The following MPPE1 variants were observed in gnomAD, a reference collection of about 807,000 sequenced individuals.
The protein encoded by MPPE1 is metallophosphoesterase 1.
Under a neutral mutation model 43.8 loss-of-function variants are expected in MPPE1, and 28 were observed. The observed-to-expected ratio is 0.64, with a 90% CI of 0.47 to 0.88. The LOEUF is 0.88. MPPE1 is among the 40% of genes least tolerant of loss of function. The pLI, the probability that MPPE1 is intolerant of heterozygous loss-of-function variation, is 0.00. For missense variants in MPPE1, 428 were observed against 492.2 expected, an observed-to-expected ratio of 0.87 and a Z score of 1.23; for synonymous variants, 159 against 188.5, an observed-to-expected ratio of 0.84 and a Z score of 1.28.
Position 11,886,943 on chromosome 18 carries a change from A to G in MPPE1, c.652T>C (p.Ser218Pro). The change falls in exon 7 of 11, where the codon TCT becomes CCT. Residue 218 changes from serine (S) to proline (P), a missense_variant. Around this residue, in one of 3 missense-constraint regions of MPPE1, gnomAD observed 379 missense variants for 402.5 expected, o/e 0.94. Transcript: ENST00000588072. This position sits in a 1 kb window ranked among gnomAD's most constrained non-coding sequence, Gnocchi z 4.1. ...SETEAELIEV[S>P]HRLNCSREAR... Reference sequence around the variant, plus strand: ...TCTCGGGAGCAGTTCAGTCTGTGAGAAACTTCAATGAGCTCTGCTTCTGTT... The same window carrying G: ...TCTCGGGAGCAGTTCAGTCTGTGAGGAACTTCAATGAGCTCTGCTTCTGTT... The G allele has an allele frequency of 3.7e-6, 6 of 1,613,574 alleles. No individual in the cohort carries two copies. The highest frequency in any genetic ancestry group is 5.1e-6 in the Non-Finnish European group (6 of 1,179,748).
In MPPE1 at chr18:11,886,457, TCA is replaced by T. The variant is rs1213685335; in HGVS notation, c.867+40_867+41del. On this transcript the variant is annotated intron_variant, in intron 9 of 10. Coordinates refer to ENST00000588072, the MANE Select transcript of MPPE1 (RefSeq NM_023075.6). This position sits in a 1 kb window ranked among gnomAD's most constrained non-coding sequence, Gnocchi z 4.1. ...TTGTTGACATGCAAGGTGATGAGAG[TCA>T]CACTGTGACATGAATTAGCATCACG... 6.2e-7 allele frequency: 1 copy of T among 1,613,428 alleles called. No homozygotes were observed. Among genetic ancestry groups the T allele is most frequent in the Non-Finnish European group, 8.5e-7 (1 of 1,179,894 alleles).
At chr18:11,889,947 CT>C (rs35489693) in intron 4 of MPPE1, among the ~76,000 whole-genome samples, 105 of 145,038 alleles carry the variant, frequency 7.2e-4, no homozygotes, top group Admixed American at 7.6e-4. Context: ...TGATGTAGAA[CT>C]TTTTTTTTTT....
intron 6 of MPPE1, 23 bp downstream of exon 6, chr18:11,888,646 A>G: frequency 6.7e-7 from 1 of 1,502,690 alleles, no homozygotes; most frequent in Non-Finnish European, 9.1e-7. Context: ...AAGGTCTTGG[A>G]AGAATTTACA....
intron 2 of MPPE1, among the ~76,000 whole-genome samples, chr18:11,903,666 C>T (rs1018416991): frequency 5.3e-5 from 8 of 152,202 alleles, no homozygotes; most frequent in Admixed American, 2.6e-4. Flanking sequence ...ATTAGCCGGG[C>T]GTGGTTGCAG....
At chr18:11,896,676 C>T (rs1217224664) in intron 3 of MPPE1, among the ~76,000 whole-genome samples, 3 of 152,162 alleles carry the variant, frequency 2.0e-5, no homozygotes, top group Non-Finnish European at 4.4e-5. Flanking sequence ...GTTGTCATTG[C>T]GTGGCACATC....
chr18:11,893,451 G>C lies in MPPE1; in HGVS notation c.390+17C>G. Reference sequence around the variant, plus strand: ...ACCTCACAGCAGGATGAGGGCACCTGGAACACAGAGTCCTACCTCAGGGGT... The same window carrying C: ...ACCTCACAGCAGGATGAGGGCACCTCGAACACAGAGTCCTACCTCAGGGGT... On this transcript the variant is annotated intron_variant, in intron 4 of 10. Coordinates refer to ENST00000588072, the MANE Select transcript of MPPE1 (RefSeq NM_023075.6). 6.3e-7 allele frequency: 1 copy of C among 1,581,844 alleles called. No individual in the cohort carries two copies. The highest frequency in any genetic ancestry group is 1.1e-5 in the South Asian group (1 of 90,376).
intron 2 of MPPE1, among the ~76,000 whole-genome samples, chr18:11,898,644 C>A (rs758148635): frequency 6.6e-6 from 1 of 152,086 alleles, no homozygotes; most frequent in African/African-American, 2.4e-5. Context: ...TTCAGACTTT[C>A]GGGCAACTGA....
At chr18:11,891,387 T>C (rs990532927) in intron 4 of MPPE1, 1 of 151,946 alleles carries the variant, frequency 6.6e-6, no homozygotes, top group Non-Finnish European at 1.5e-5. Flanking sequence ...GGCAGGAGAA[T>C]CACTTGAACC....
At position 11,884,652 on chromosome 18, in the gene MPPE1, G is replaced by GCAC. The variant is rs772537918; in HGVS notation, c.1009-26_1009-25insGTG. 62 of 1,608,170 alleles carry GCAC rather than the reference G, an allele frequency of 3.9e-5. No individual in the cohort carries two copies. In the Middle Eastern group the frequency reaches 5.1e-4, roughly 13 times the overall value. On this transcript the variant is annotated intron_variant, in intron 10 of 10. Coordinates refer to ENST00000588072, the MANE Select transcript of MPPE1 (RefSeq NM_023075.6). ...CCTGGAAAGGAGAAGGGAAAGTTAT[G>GCAC]CTGAGAGCACCAGGCACACGTTGAA...
chr18:11,908,027 C>T (rs894613), intron 1 of MPPE1, 174 bp downstream of exon 1: 68,838 of 151,904 alleles, frequency 0.45, 17,020 homozygotes, highest in African/African-American at 0.66. Flanking sequence ...TCTACACCAG[C>T]AAACTAGAGT....
At chr18:11,900,776 A>G (rs148668206) in intron 2 of MPPE1, among the ~76,000 whole-genome samples, 14,681 of 151,920 alleles carry the variant, frequency 0.097, 940 homozygotes, top group Middle Eastern at 0.15. Flanking sequence ...GCGTGGTGGC[A>G]GACGCCTGTA....
chr18:11,886,370 C>T lies in MPPE1; in HGVS notation c.867+129G>A. The T allele has an allele frequency of 7.6e-7, 1 of 1,322,426 alleles. No individual in the cohort carries two copies. The highest frequency in any genetic ancestry group is 2.3e-5 in the East Asian group (1 of 43,256). The allele number at this position is 1,322,426 out of a possible 1,614,324, so 81.9% of individuals were successfully genotyped here. ...AAAGCCAGGCCTCCACCCCTGTCCC[C>T]CCAGGTGATAACTAAGTCATGAACG... On this transcript the variant is annotated intron_variant, in intron 9 of 10. Coordinates refer to ENST00000588072, the MANE Select transcript of MPPE1 (RefSeq NM_023075.6). The surrounding 1 kb of genome is among the most constrained non-coding windows in gnomAD (Gnocchi z 4.1).
At chr18:11,907,372 T>C (rs922166715) in intron 1 of MPPE1, among the ~76,000 whole-genome samples, 2 of 152,186 alleles carry the variant, frequency 1.3e-5, no homozygotes, top group African/African-American at 4.8e-5. Context: ...TTACATGTAT[T>C]TGACTGATGA....
At chr18:11,905,679 A>G (rs542199943) in intron 2 of MPPE1, 1 of 152,364 alleles carries the variant, frequency 6.6e-6, no homozygotes, top group South Asian at 2.1e-4. Context: ...GCTGAAGGAA[A>G]CCTGCTGACC....
chr18:11,882,722 T>TTG lies in MPPE1; in HGVS notation c.*1721_*1722dup, dbSNP rs751404870. 2.0e-5 allele frequency: 3 copies of TTG among 151,712 alleles called. No individual in the cohort carries two copies. The highest frequency in any genetic ancestry group is 4.4e-5 in the Non-Finnish European group (3 of 67,974). 9.4% of individuals were successfully genotyped at this position (151,712 alleles called of 1,614,324 possible). A position where few individuals can be genotyped will look rare whatever the true frequency, so the allele number is the denominator to read the frequency against. ...AAAAAAAACCTTGACGTGTCAATGT[T>TTG]TGTGTCTGGCCTAGGAGAATGAGGA... On this transcript the variant is annotated 3_prime_UTR_variant, in exon 11 of 11. Transcript: ENST00000588072.
intron 9 of MPPE1, 88 bp from the exon 10 acceptor site, chr18:11,885,904 G>A (rs767585891): frequency 1.8e-5 from 23 of 1,294,974 alleles, no homozygotes; most frequent in East Asian, 1.6e-4. Context: ...GCTGGCCATC[G>A]CTTCTTTCCT....
rs2036809731 is a variant in MPPE1, at chr18:11,883,915, T to G, written c.*530A>C. 1.3e-5 allele frequency: 2 copies of G among 152,454 alleles called. No individual in the cohort carries two copies. The highest frequency in any genetic ancestry group is 2.9e-5 in the Non-Finnish European group (2 of 68,258). 9.4% of individuals were successfully genotyped at this position (152,454 alleles called of 1,614,324 possible). A position where few individuals can be genotyped will look rare whatever the true frequency, so the allele number is the denominator to read the frequency against. On this transcript the variant is annotated 3_prime_UTR_variant, in exon 11 of 11. Transcript: ENST00000588072. ...CATGTTGGCCAGGCTGGTCTTGAAC[T>G]CCTGACCTCAAGTGATCCACCCGCC...
chr18:11,886,450 A>G lies in MPPE1; in HGVS notation c.867+49T>C. ...ACTCTGCTTGTTGACATGCAAGGTG[A>G]TGAGAGTCACACTGTGACATGAATT... On this transcript the variant is annotated intron_variant, in intron 9 of 10. Transcript: ENST00000588072. The surrounding 1 kb of genome is among the most constrained non-coding windows in gnomAD (Gnocchi z 4.1). 6.2e-7 allele frequency: 1 copy of G among 1,613,672 alleles called. No individual in the cohort carries two copies. Among genetic ancestry groups the G allele is most frequent in the South Asian group, 1.1e-5 (1 of 91,072 alleles).
At chr18:11,890,529 C>T (rs1189963266) in intron 4 of MPPE1, among the ~76,000 whole-genome samples, 4 of 152,034 alleles carry the variant, frequency 2.6e-5, no homozygotes, top group Non-Finnish European at 5.9e-5. Context: ...AGGCTGGTCT[C>T]GAACTCCTCA....
Sources: allele counts gnomAD v4.1 joint callset (sites outside exome capture counted in the v4.1 genomes callset), GRCh38; gene constraint gnomAD v4.1.1; regional missense constraint gnomAD v4.1.1; non-coding constraint Gnocchi (gnomAD v3.1); transcripts MANE v1.5; gene names NCBI Gene and HGNC (gene_info 2026-07-23, HGNC 2026-07-21).